PTPRN2: variants seen among roughly 807,000 people sequenced by gnomAD.
PTPRN2 encodes the protein receptor-type tyrosine-protein phosphatase N2.
Under a neutral mutation model 118.8 loss-of-function variants are expected in PTPRN2, and 74 were observed. The ratio of observed to expected loss-of-function variants is 0.62; its 90% CI spans 0.52 to 0.76. The LOEUF is 0.76. Ranked by LOEUF, PTPRN2 falls within the 30% of genes least tolerant of loss-of-function variation. The pLI, the probability that PTPRN2 is intolerant of heterozygous loss-of-function variation, is 0.00. For missense variants in PTPRN2, 1,481 were observed against 1,394.4 expected (o/e 1.06, Z -0.99); for synonymous variants, 641 against 608.0 (o/e 1.05, Z -0.80).
chr7:157,810,560 T>G (rs1415400125), intron 12 of PTPRN2, among the ~76,000 whole-genome samples: 1 of 98,300 alleles, frequency 1.0e-5, no homozygotes, highest in African/African-American at 4.2e-5. Flanking sequence ...ACGGCGGGAC[T>G]GCTGGGGGCT....
chr7:157,774,836 C>T (rs1623960), intron 12 of PTPRN2, among the ~76,000 whole-genome samples: 35,697 of 151,936 alleles, frequency 0.23, 5,127 homozygotes, highest in African/African-American at 0.38. Context: ...AGGACCAGTC[C>T]GACGGGGGAG....
chr7:158,118,261 AG>A (rs1449347814), intron 9 of PTPRN2, among the ~76,000 whole-genome samples: 8 of 152,324 alleles, frequency 5.3e-5, no homozygotes, highest in African/African-American at 1.7e-4. Context: ...ATAGCCAAAA[AG>A]GGTGGGTAAA....
intron 4 of PTPRN2, among the ~76,000 whole-genome samples, chr7:158,203,986 G>GT (rs1471512686): frequency 1.2e-4 from 17 of 147,392 alleles, no homozygotes; most frequent in Non-Finnish European, 1.8e-4. Flanking sequence ...TAACCTCAGT[G>GT]TGCGCCATGT....
chr7:158,080,579 T>TG (rs1812741893), intron 11 of PTPRN2, among the ~76,000 whole-genome samples: 1 of 141,866 alleles, frequency 7.0e-6, no homozygotes, highest in African/African-American at 2.6e-5. Context: ...TCAACAAGTT[T>TG]AAAAAAAAAA....
chr7:158,103,865 A>T (rs1434351336), intron 10 of PTPRN2, among the ~76,000 whole-genome samples: 13 of 149,972 alleles, frequency 8.7e-5, no homozygotes, highest in South Asian at 4.3e-4. Context: ...ACAGATTATT[A>T]TTATTTTTTT....
chr7:158,031,876 G>A (rs1025892063), intron 11 of PTPRN2, among the ~76,000 whole-genome samples: 3 of 152,244 alleles, frequency 2.0e-5, no homozygotes, highest in Admixed American at 6.5e-5. Flanking sequence ...AATTACAGTC[G>A]CTGCAAAACT....
At chr7:158,368,699 C>G (rs927674616) in intron 2 of PTPRN2, among the ~76,000 whole-genome samples, 1 of 152,166 alleles carries the variant, frequency 6.6e-6, no homozygotes, top group Non-Finnish European at 1.5e-5. Flanking sequence ...AGCACTCAGC[C>G]CCCTCCCCTG....
intron 12 of PTPRN2, among the ~76,000 whole-genome samples, chr7:157,847,919 T>G (rs1399422896): frequency 1.3e-4 from 20 of 150,824 alleles, no homozygotes; most frequent in African/African-American, 4.9e-4. Flanking sequence ...CATTACATCA[T>G]GTGTGCCCGA....
At chr7:157,879,070 T>A (rs10248256) in intron 12 of PTPRN2, among the ~76,000 whole-genome samples, 5,030 of 115,120 alleles carry the variant, frequency 0.044, 54 homozygotes, top group East Asian at 0.053. Context: ...TCTCTCAGAT[T>A]CCATGGGGCT....
At chr7:158,571,061 TTC>T (rs1828002784) in intron 1 of PTPRN2, among the ~76,000 whole-genome samples, 1 of 152,228 alleles carries the variant, frequency 6.6e-6, no homozygotes, top group Non-Finnish European at 1.5e-5. Context: ...TTTTAATCCA[TTC>T]TGTTTTATTT....
Position 158,509,441 on chromosome 7 carries a change from G to A in PTPRN2, c.113-19656C>T, listed in dbSNP as rs192351490. On this transcript the variant is annotated intron_variant, in intron 1 of 22. Transcript: ENST00000389418. The surrounding 1 kb of genome is among the most constrained non-coding windows in gnomAD (Gnocchi z 4.4). ...CCATGCACCCACCCTGCAGGAAAGA[G>A]CTCAGCATCCTGGCATCAAGTCTGC... 5.9e-5 allele frequency among the ~76,000 whole-genome samples: 9 copies of A among 152,342 alleles called. No individual in the cohort carries two copies. Among genetic ancestry groups the A allele is most frequent in the African/African-American group, 2.2e-4 (9 of 41,582 alleles).
intron 2 of PTPRN2, among the ~76,000 whole-genome samples, chr7:158,369,642 T>C (rs1809808791): frequency 6.6e-6 from 1 of 151,868 alleles, no homozygotes; most frequent in South Asian, 2.1e-4. Flanking sequence ...GTTATAAGGA[T>C]AAAAACGTGA....
chr7:158,466,412 A>G (rs897020367), intron 2 of PTPRN2, among the ~76,000 whole-genome samples: 1 of 152,060 alleles, frequency 6.6e-6, no homozygotes, highest in African/African-American at 2.4e-5. Flanking sequence ...GAGATCATGC[A>G]GTATCTGCCT....
At chr7:158,071,638 A>AGGTGCTCCTGGTG (rs1811749764) in intron 11 of PTPRN2, among the ~76,000 whole-genome samples, 1 of 103,060 alleles carries the variant, frequency 9.7e-6, no homozygotes, top group African/African-American at 3.6e-5. Flanking sequence ...GTGGTGGTGG[A>AGGTGCTCCTGGTG]GATGCTCGTG....
intron 3 of PTPRN2, among the ~76,000 whole-genome samples, chr7:158,297,240 C>T (rs1800566712): frequency 6.6e-6 from 1 of 152,208 alleles, no homozygotes; most frequent in African/African-American, 2.4e-5. Flanking sequence ...TCAGATTGAT[C>T]ATCATTCAGA....
chr7:158,319,729 ACT>A (rs1491476674), intron 2 of PTPRN2, among the ~76,000 whole-genome samples: 1 of 4,920 alleles, frequency 2.0e-4, no homozygotes, highest in Non-Finnish European at 4.9e-4. Context: ...CCTCACACAC[ACT>A]CACAGTCTCC....
chr7:158,312,896 GTGCA>G (rs1226145745), intron 3 of PTPRN2, among the ~76,000 whole-genome samples: 1 of 151,716 alleles, frequency 6.6e-6, no homozygotes, highest in Non-Finnish European at 1.5e-5. Flanking sequence ...GTGTGCAGGT[GTGCA>G]TGCATGTGTG....
chr7:158,525,081 T>A lies in PTPRN2; in HGVS notation c.113-35296A>T, dbSNP rs1824667522. ...GACTGTGGCTCAGGATGCAAGGCTC[T>A]GACTGAACCCTCAAGCTGGCCCTCC... On this transcript the variant is annotated intron_variant, in intron 1 of 22. Coordinates refer to ENST00000389418, the MANE Select transcript of PTPRN2 (RefSeq NM_002847.5). The surrounding 1 kb of genome is among the most constrained non-coding windows in gnomAD (Gnocchi z 4.1). 6.6e-6 allele frequency among the ~76,000 whole-genome samples: 1 copy of A among 152,116 alleles called. No homozygotes were observed. Among genetic ancestry groups the A allele is most frequent in the Admixed American group, 6.5e-5 (1 of 15,282 alleles).
intron 14 of PTPRN2, among the ~76,000 whole-genome samples, chr7:157,634,500 C>T (rs1008072153): frequency 6.6e-5 from 10 of 152,270 alleles, no homozygotes; most frequent in Non-Finnish European, 1.2e-4. Context: ...TAACCTGGGA[C>T]GCCGTGATGT....
Sources: gnomAD v4.1 joint callset for allele counts (sites outside exome capture counted in the v4.1 genomes callset) on GRCh38, gnomAD v4.1.1 for gene constraint, Gnocchi (gnomAD v3.1) non-coding constraint, MANE v1.5 for transcripts, NCBI Gene and HGNC (gene_info 2026-07-23, HGNC 2026-07-21) for gene names.